The following BMP6 variants were observed in gnomAD, a reference collection of about 807,000 sequenced individuals.
The protein encoded by BMP6 is bone morphogenetic protein 6.
Under a neutral mutation model 54.1 loss-of-function variants are expected in BMP6, and 17 were observed. The observed-to-expected ratio is 0.31, with a 90% confidence interval of 0.22 to 0.47. The LOEUF (loss-of-function observed/expected upper bound fraction) is 0.47. Among genes scored for constraint, BMP6 ranks in the 20% least tolerant of loss-of-function variants. The probability of loss-of-function intolerance (pLI) is 1.00; values close to 1 mark genes in which losing one functional copy is unlikely to be tolerated. For missense variants in BMP6, 720 were observed against 690.4 expected (o/e 1.04, Z -0.48); for synonymous variants, 328 against 291.2 (o/e 1.13, Z -1.28).
At chr6:7,798,504 C>A (rs951132194) in intron 1 of BMP6, among the ~76,000 whole-genome samples, 1 of 152,226 alleles carries the variant, frequency 6.6e-6, no homozygotes, top group Non-Finnish European at 1.5e-5. Context: ...AAGTATCTCA[C>A]ATCATTTTTG....
intron 1 of BMP6, among the ~76,000 whole-genome samples, chr6:7,752,278 C>T (rs996672084): frequency 6.6e-6 from 1 of 152,170 alleles, no homozygotes; most frequent in Non-Finnish European, 1.5e-5. Context: ...AACTAGGTGG[C>T]TGGCTCATGA....
intron 2 of BMP6, among the ~76,000 whole-genome samples, chr6:7,851,047 T>C (rs1393874758): frequency 6.6e-6 from 1 of 152,244 alleles, no homozygotes; most frequent in Non-Finnish European, 1.5e-5. Flanking sequence ...AGGCTTGATA[T>C]CTGATGTGTA....
intron 1 of BMP6, among the ~76,000 whole-genome samples, chr6:7,843,144 A>G (rs1166828145): frequency 6.6e-6 from 1 of 152,218 alleles, no homozygotes; most frequent in Non-Finnish European, 1.5e-5. Context: ...ATGCGTAGCC[A>G]CTAATTAGAA....
intron 2 of BMP6, 34 bp from the exon 3 acceptor site, chr6:7,861,417 C>G: frequency 6.2e-7 from 1 of 1,610,162 alleles, no homozygotes; most frequent in Non-Finnish European, 8.5e-7. Context: ...TCAGGCAGTG[C>G]GCTATTTACC....
At chr6:7,862,690 A>G (rs1448312107) in intron 4 of BMP6, among the ~76,000 whole-genome samples, 192 bp downstream of exon 4, 1 of 152,158 alleles carries the variant, frequency 6.6e-6, no homozygotes, top group East Asian at 1.9e-4. Flanking sequence ...TCAGCCTGGA[A>G]CACTTGTTAC....
chr6:7,819,107 G>A (rs1469955580), intron 1 of BMP6, among the ~76,000 whole-genome samples: 2 of 152,138 alleles, frequency 1.3e-5, no homozygotes, highest in Non-Finnish European at 2.9e-5. Context: ...ACAGGCGTGT[G>A]GTGTCTTTGT....
chr6:7,815,774 G>T (rs777993537), intron 1 of BMP6, among the ~76,000 whole-genome samples: 3 of 152,190 alleles, frequency 2.0e-5, no homozygotes, highest in Non-Finnish European at 4.4e-5. Context: ...ATTCATTCCC[G>T]TTATAATTAA....
intron 1 of BMP6, among the ~76,000 whole-genome samples, chr6:7,771,588 A>C (rs1757788115): frequency 6.6e-6 from 1 of 152,170 alleles, no homozygotes; most frequent in Non-Finnish European, 1.5e-5. Flanking sequence ...CATTAAGCCC[A>C]GGCATATTGA....
At chr6:7,838,077 T>G (rs1179616775) in intron 1 of BMP6, among the ~76,000 whole-genome samples, 1 of 152,182 alleles carries the variant, frequency 6.6e-6, no homozygotes, top group Non-Finnish European at 1.5e-5. Flanking sequence ...ATCCACGGTT[T>G]CCGTATCCAC....
chr6:7,824,512 G>A (rs1758662347), intron 1 of BMP6, among the ~76,000 whole-genome samples: 1 of 152,216 alleles, frequency 6.6e-6, no homozygotes, highest in African/African-American at 2.4e-5. Flanking sequence ...TATCAAAGGG[G>A]AGGGGAAGCC....
intron 1 of BMP6, among the ~76,000 whole-genome samples, chr6:7,788,067 T>G (rs1358298854): frequency 6.6e-6 from 1 of 152,188 alleles, no homozygotes; most frequent in Non-Finnish European, 1.5e-5. Context: ...TATTAGAAAC[T>G]GATGATGAAT....
intron 1 of BMP6, among the ~76,000 whole-genome samples, chr6:7,735,650 C>T (rs1267068156): frequency 6.6e-6 from 1 of 152,030 alleles, no homozygotes; most frequent in African/African-American, 2.4e-5. Flanking sequence ...GCAGAGATTT[C>T]CCAGGTACCC....
At chr6:7,727,989 C>T (rs1219315732) in intron 1 of BMP6, among the ~76,000 whole-genome samples, 1 of 152,088 alleles carries the variant, frequency 6.6e-6, no homozygotes, top group Non-Finnish European at 1.5e-5. Context: ...GAGAGTCCAG[C>T]CCGAGTGTGG....
At chr6:7,749,762 G>A (rs540763892) in intron 1 of BMP6, among the ~76,000 whole-genome samples, 15 of 152,292 alleles carry the variant, frequency 9.8e-5, no homozygotes, top group Non-Finnish European at 2.1e-4. Context: ...ATCACTACCA[G>A]GTTTGACTTG....
At chr6:7,839,035 G>C (rs1758923716) in intron 1 of BMP6, among the ~76,000 whole-genome samples, 1 of 151,974 alleles carries the variant, frequency 6.6e-6, no homozygotes, top group Non-Finnish European at 1.5e-5. Flanking sequence ...TCTATGCCTG[G>C]TTTGCTAGTT....
intron 1 of BMP6, among the ~76,000 whole-genome samples, chr6:7,783,394 C>G (rs1043886966): frequency 6.6e-6 from 1 of 152,160 alleles, no homozygotes; most frequent in Non-Finnish European, 1.5e-5. Flanking sequence ...TTTATTGGGT[C>G]GCTTCAAAGG....
At chr6:7,874,098 C>T (rs1759569856) in intron 4 of BMP6, among the ~76,000 whole-genome samples, 1 of 152,080 alleles carries the variant, frequency 6.6e-6, no homozygotes, top group South Asian at 2.1e-4. Flanking sequence ...CCCTGCTGCA[C>T]CCAGCTGGCA....
intron 1 of BMP6, among the ~76,000 whole-genome samples, chr6:7,765,398 A>G (rs1023413818): frequency 1.6e-4 from 25 of 152,240 alleles, no homozygotes; most frequent in African/African-American, 5.8e-4. Flanking sequence ...GTAAAGAACA[A>G]AAGATTCCCC....
chr6:7,802,933 C>G (rs975959116), intron 1 of BMP6, among the ~76,000 whole-genome samples: 1 of 152,188 alleles, frequency 6.6e-6, no homozygotes, highest in African/African-American at 2.4e-5. Context: ...AGAATGCCTG[C>G]TCCCTGCAGG....
Sources: gnomAD v4.1 joint callset for allele counts (sites outside exome capture counted in the v4.1 genomes callset) on GRCh38, gnomAD v4.1.1 for gene constraint, MANE v1.5 for transcripts, NCBI Gene and HGNC (gene_info 2026-07-23, HGNC 2026-07-21) for gene names.